Variants in RBM34 observed in about 807,000 individuals in gnomAD.
RBM34 encodes the protein RNA binding motif protein 34, also known as RNA-binding protein 34.
RBM34 carries 39 observed loss-of-function variants against 44.6 expected under a neutral mutation model. The observed-to-expected ratio is 0.87, with a 90% CI of 0.68 to 1.14. The LOEUF is 1.14. RBM34 is among the 50% of genes most tolerant of loss of function. The probability of loss-of-function intolerance (pLI) is 0.00; values close to 1 mark genes in which losing one functional copy is unlikely to be tolerated. For synonymous variants in RBM34, 194 were observed against 184.0 expected (o/e 1.05, Z -0.44); for missense variants, 572 against 517.9 (o/e 1.10, Z -1.01).
intron 3 of RBM34, chr1:235,156,773 C>T: frequency 2.8e-6 from 1 of 360,572 alleles, no homozygotes; most frequent in Non-Finnish European, 5.5e-6. Context: ...GGTTCCTACT[C>T]AGTTCTAGGC....
chr1:235,148,593 T>TA, intron 5 of RBM34, 146 bp from the exon 6 acceptor site: 1 of 493,980 alleles, frequency 2.0e-6, no homozygotes, highest in Non-Finnish European at 3.2e-6. Flanking sequence ...ACAACTGTCC[T>TA]AATTTTTTTT....
chr1:235,134,964 G>A (rs1397953540), intron 10 of RBM34, among the ~76,000 whole-genome samples: 1 of 151,478 alleles, frequency 6.6e-6, no homozygotes, highest in Non-Finnish European at 1.5e-5. Context: ...GGCTGGTCTC[G>A]AATTCCCGAC....
Position 235,155,030 on chromosome 1 carries a change from C to G in RBM34, c.448G>C (p.Val150Leu). ...AGTATTTTTCTATCTGCTACTTTAA[C>G]ACCAGGTTGAGAATTTTTCCTTTTC... ...GQKRKNSQPGVKVADRKILDD... is the reference protein window; with the variant it reads ...GQKRKNSQPGLKVADRKILDD... Residue 150 changes from valine (V) to leucine (L), a missense_variant, in exon 4 of 11, where the codon GTT (valine) becomes CTT (leucine). By Grantham distance (32) the Val-to-Leu change is conservative. Coordinates refer to ENST00000408888, the MANE Select transcript of RBM34 (RefSeq NM_015014.4). 6.2e-7 allele frequency: 1 copy of G among 1,614,074 alleles called. No individual in the cohort carries two copies. Among genetic ancestry groups the G allele is most frequent in the Non-Finnish European group, 8.5e-7 (1 of 1,180,000 alleles).
At chr1:235,146,767 T>C (rs1021721435) in intron 6 of RBM34, among the ~76,000 whole-genome samples, 1 of 152,090 alleles carries the variant, frequency 6.6e-6, no homozygotes. Context: ...ACTACAGGCA[T>C]GTGCCACCAC....
intron 4 of RBM34, among the ~76,000 whole-genome samples, chr1:235,153,436 T>C (rs1662251252): frequency 6.6e-6 from 1 of 151,986 alleles, no homozygotes; most frequent in African/African-American, 2.4e-5. Context: ...TTTTTTTTTT[T>C]TTTTTGAGAC....
At chr1:235,138,498 A>G (rs1661531087) in intron 6 of RBM34, among the ~76,000 whole-genome samples, 1 of 152,214 alleles carries the variant, frequency 6.6e-6, no homozygotes, top group Non-Finnish European at 1.5e-5. Flanking sequence ...TATCTAACAC[A>G]CATATAAACA....
intron 4 of RBM34, among the ~76,000 whole-genome samples, chr1:235,153,848 C>G (rs948490776): frequency 6.6e-6 from 1 of 152,148 alleles, no homozygotes; most frequent in East Asian, 1.9e-4. Flanking sequence ...AAGCAAAGGG[C>G]AGGTTTTGCT....
intron 6 of RBM34, among the ~76,000 whole-genome samples, chr1:235,140,540 T>C (rs1326907462): frequency 6.6e-6 from 1 of 152,216 alleles, no homozygotes; most frequent in Non-Finnish European, 1.5e-5. Context: ...CAGGGCAGGG[T>C]TCGGGACCTG....
Position 235,148,701 on chromosome 1 carries a change from A to C in RBM34, c.658-254T>G, listed in dbSNP as rs558080939. 5.9e-5 allele frequency among the ~76,000 whole-genome samples: 9 copies of C among 151,972 alleles called. No homozygotes were observed. The East Asian group carries it at 1.7e-3, about 30-fold the overall frequency. ...GCAAGCTCCACCTGCTGGGTTCACA[A>C]CATTCTCCTGCCTCAGCCTCCTGAG... On this transcript the variant is annotated intron_variant, in intron 5 of 10. Transcript: ENST00000408888.
At position 235,148,396 on chromosome 1, in the gene RBM34, A is replaced by G. The variant is rs1219559782; in HGVS notation, c.701+8T>C. On this transcript the variant is annotated splice_region_variant and intron_variant, in intron 6 of 10. Coordinates refer to ENST00000408888, the MANE Select transcript of RBM34 (RefSeq NM_015014.4). ...AAGGTGACTCCCTTTCTCTAATTATAAACTTACTTTATTGCTGCCAACTTT... is the reference window on the plus strand; with the variant it reads ...AAGGTGACTCCCTTTCTCTAATTATGAACTTACTTTATTGCTGCCAACTTT... The G allele has an allele frequency of 3.1e-6, 5 of 1,589,638 alleles. No homozygotes were observed. The highest frequency in any genetic ancestry group is 4.3e-6 in the Non-Finnish European group (5 of 1,167,934).
chr1:235,149,272 C>T (rs1572159054), intron 5 of RBM34, among the ~76,000 whole-genome samples: 1 of 151,418 alleles, frequency 6.6e-6, no homozygotes, highest in Admixed American at 6.6e-5. Context: ...GCCTGTAGTC[C>T]CAGCTACTCA....
intron 6 of RBM34, among the ~76,000 whole-genome samples, chr1:235,146,032 AG>A (rs893395654): frequency 7.8e-5 from 10 of 128,212 alleles, no homozygotes; most frequent in African/African-American, 2.4e-4. Flanking sequence ...CTGGAGTGCC[AG>A]GGGTGCAATC....
chr1:235,143,637 C>G (rs1337548992), intron 6 of RBM34, among the ~76,000 whole-genome samples: 1 of 152,132 alleles, frequency 6.6e-6, no homozygotes, highest in Non-Finnish European at 1.5e-5. Context: ...GCTTGGGAGG[C>G]TGAGGCATGA....
intron 6 of RBM34, among the ~76,000 whole-genome samples, chr1:235,140,566 G>A (rs1468689926): frequency 2.0e-5 from 3 of 152,224 alleles, no homozygotes; most frequent in African/African-American, 4.8e-5. Flanking sequence ...CGCTATGCCT[G>A]AGCCTCCCAC....
intron 9 of RBM34, 46 bp from the exon 10 acceptor site, chr1:235,135,816 CT>C (rs1309952072): frequency 6.6e-7 from 1 of 1,520,164 alleles, no homozygotes; most frequent in Non-Finnish European, 9.1e-7. Context: ...TTGGGAGCCC[CT>C]CAGAAACATG....
chr1:235,136,625 C>G (rs1370329058), intron 8 of RBM34, among the ~76,000 whole-genome samples: 1 of 152,202 alleles, frequency 6.6e-6, no homozygotes, highest in African/African-American at 2.4e-5. Context: ...CCTTTGATAT[C>G]GACAGAAATG....
At chr1:235,136,159 C>G (rs937525101) in intron 8 of RBM34, 86 bp from the exon 9 acceptor site, 2 of 1,086,050 alleles carry the variant, frequency 1.8e-6, no homozygotes, top group East Asian at 5.0e-5. Flanking sequence ...CTCCTTCCCC[C>G]CATATCTGAC....
At chr1:235,149,388 C>CAAA (rs1171671362) in intron 5 of RBM34, among the ~76,000 whole-genome samples, 4 of 57,960 alleles carry the variant, frequency 6.9e-5, no homozygotes, top group Admixed American at 1.9e-4. Flanking sequence ...GACTCCGTCT[C>CAAA]AAAAAAAAAA....
At chr1:235,148,339 TCTCA>T in intron 6 of RBM34, 61 bp downstream of exon 6, 3 of 1,230,094 alleles carry the variant, frequency 2.4e-6, no homozygotes, top group Non-Finnish European at 3.5e-6. Flanking sequence ...TAAGAAATGG[TCTCA>T]CTTTTTAGCC....
Sources: gnomAD v4.1 joint callset for allele counts (sites outside exome capture counted in the v4.1 genomes callset) on GRCh38, gnomAD v4.1.1 for gene constraint, MANE v1.5 for transcripts, NCBI Gene and HGNC (gene_info 2026-07-23, HGNC 2026-07-21) for gene names.